PSD3: variants seen among roughly 807,000 people sequenced by gnomAD.
PSD3 encodes PH and SEC7 domain-containing protein 3.
In PSD3, 49 loss-of-function variants were observed where a neutral mutation model predicts 105.5. That is an observed-to-expected ratio of 0.46 (90% confidence interval 0.37 to 0.59). PSD3 has a LOEUF of 0.59. PSD3 is among the 20% of genes least tolerant of loss of function. The pLI is 0.00. For missense variants in PSD3, 1,561 were observed against 1,263.8 expected, an observed-to-expected ratio of 1.24 and a Z score of -3.57; for synonymous variants, 557 against 457.8, an observed-to-expected ratio of 1.22 and a Z score of -2.77.
At chr8:19,060,637 C>T (rs544398611) in intron 1 of PSD3, among the ~76,000 whole-genome samples, 1 of 152,064 alleles carries the variant, frequency 6.6e-6, no homozygotes, top group South Asian at 2.1e-4. Flanking sequence ...CCATCTCAAA[C>T]AACAACAACA....
At chr8:18,580,283 G>C (rs1433141501) in intron 12 of PSD3, among the ~76,000 whole-genome samples, 1 of 152,058 alleles carries the variant, frequency 6.6e-6, no homozygotes, top group Non-Finnish European at 1.5e-5. Flanking sequence ...CCACAGTCTT[G>C]GGCACATCAG....
At chr8:18,830,135 T>C (rs1330544623) in intron 4 of PSD3, among the ~76,000 whole-genome samples, 1 of 152,036 alleles carries the variant, frequency 6.6e-6, no homozygotes, top group Non-Finnish European at 1.5e-5. Context: ...TCCTACAAGG[T>C]TTTACCATGT....
chr8:18,544,359 A>G (rs1800334864), intron 15 of PSD3, among the ~76,000 whole-genome samples: 2 of 152,174 alleles, frequency 1.3e-5, no homozygotes, highest in South Asian at 4.1e-4. Context: ...AAGCATCTGC[A>G]TTCAAAACAG....
intron 10 of PSD3, among the ~76,000 whole-genome samples, chr8:18,655,185 T>C (rs2130851320): frequency 6.6e-6 from 1 of 150,786 alleles, no homozygotes; most frequent in Non-Finnish European, 1.5e-5. Flanking sequence ...AAAAATTAGC[T>C]GGGAGTGGTG....
At chr8:19,084,146 G>T (rs10102338) in intron 1 of PSD3, 10,724 of 389,240 alleles carry the variant, frequency 0.028, 969 homozygotes, top group African/African-American at 0.2. Context: ...AGGCCAGGGT[G>T]GCACGTCTGT....
chr8:18,632,854 T>G (rs931095055), intron 10 of PSD3, 48 bp from the exon 11 acceptor site: 2 of 1,387,480 alleles, frequency 1.4e-6, no homozygotes, highest in Admixed American at 5.2e-5. Flanking sequence ...TATCATAATA[T>G]TCAAAGAAAA....
At chr8:18,763,062 C>T (rs889119325) in intron 9 of PSD3, 5 of 506,482 alleles carry the variant, frequency 9.9e-6, no homozygotes, top group African/African-American at 5.9e-5. Context: ...TAAATGTTTC[C>T]AGCTACAAAA....
At chr8:19,052,372 T>C (rs1228339223) in intron 1 of PSD3, among the ~76,000 whole-genome samples, 1 of 150,634 alleles carries the variant, frequency 6.6e-6, no homozygotes, top group African/African-American at 2.4e-5. Context: ...CTCAGGAGGC[T>C]GAGGCAGGAG....
At chr8:19,022,480 T>C (rs893402823) in intron 1 of PSD3, among the ~76,000 whole-genome samples, 5 of 152,200 alleles carry the variant, frequency 3.3e-5, no homozygotes, top group Non-Finnish European at 7.4e-5. Context: ...ACATGCCCCT[T>C]GCCTCAGCAA....
At chr8:18,542,540 A>G (rs1191140279) in intron 15 of PSD3, among the ~76,000 whole-genome samples, 1 of 152,190 alleles carries the variant, frequency 6.6e-6, no homozygotes, top group Non-Finnish European at 1.5e-5. Context: ...AACAGCAACA[A>G]TATGTTTTAA....
chr8:18,833,030 G>C (rs1202703644), intron 4 of PSD3, among the ~76,000 whole-genome samples: 2 of 152,186 alleles, frequency 1.3e-5, no homozygotes, highest in African/African-American at 4.8e-5. Flanking sequence ...GCAGCCATGA[G>C]AGATGATTTT....
intron 9 of PSD3, among the ~76,000 whole-genome samples, chr8:18,741,761 T>C (rs1804590082): frequency 8.4e-6 from 1 of 119,442 alleles, no homozygotes; most frequent in Non-Finnish European, 1.6e-5. Flanking sequence ...GATACAACAA[T>C]ATGGGCTTCA....
At chr8:18,712,179 C>T (rs1802295288) in intron 9 of PSD3, among the ~76,000 whole-genome samples, 1 of 151,924 alleles carries the variant, frequency 6.6e-6, no homozygotes, top group African/African-American at 2.4e-5. Context: ...GCTACAAAGA[C>T]CTCACATCAA....
intron 1 of PSD3, among the ~76,000 whole-genome samples, chr8:19,036,344 C>G (rs1827943550): frequency 6.6e-6 from 1 of 152,122 alleles, no homozygotes; most frequent in South Asian, 2.1e-4. Flanking sequence ...AGTCCCCTCC[C>G]TTCTCCTCCA....
chr8:18,909,247 C>G (rs1179924425), intron 2 of PSD3, among the ~76,000 whole-genome samples: 1 of 152,146 alleles, frequency 6.6e-6, no homozygotes, highest in Non-Finnish European at 1.5e-5. Flanking sequence ...TGCAAAGCTC[C>G]TGATGTACAG....
intron 4 of PSD3, among the ~76,000 whole-genome samples, chr8:18,831,827 AG>A (rs1813703587): frequency 6.6e-6 from 1 of 152,212 alleles, no homozygotes; most frequent in Non-Finnish European, 1.5e-5. Flanking sequence ...TAGCCAAAAA[AG>A]GATTTGGTCT....
intron 1 of PSD3, among the ~76,000 whole-genome samples, chr8:19,023,501 T>C (rs954410631): frequency 1.3e-5 from 2 of 152,022 alleles, no homozygotes; most frequent in African/African-American, 2.4e-5. Flanking sequence ...CAGTCATAGA[T>C]CACTGCAGCC....
intron 13 of PSD3, 22 bp from the exon 14 acceptor site, chr8:18,572,694 A>G: frequency 6.2e-7 from 1 of 1,610,112 alleles, no homozygotes; most frequent in Non-Finnish European, 8.5e-7. Context: ...AGATATGTTT[A>G]TATCAGGATA....
Position 18,577,414 on chromosome 8 carries a change from G to A in PSD3, c.2482-2129C>T, listed in dbSNP as rs116186538. 5.8e-3 allele frequency among the ~76,000 whole-genome samples: 886 copies of A among 151,876 alleles called. 10 individuals are homozygous for A. Among genetic ancestry groups the A allele is most frequent in the African/African-American group, 0.02 (821 of 41,456 alleles). ...TCTTTATATTCAAGTTTATTGACTC[G>A]GTTCCTCTGCCCTTACATCATTTTT... On this transcript the variant is annotated intron_variant, in intron 12 of 15. Coordinates refer to ENST00000327040, the MANE Select transcript of PSD3 (RefSeq NM_015310.4).
Sources: gnomAD v4.1 joint callset for allele counts (sites outside exome capture counted in the v4.1 genomes callset) on GRCh38, gnomAD v4.1.1 for gene constraint, MANE v1.5 for transcripts, NCBI Gene and HGNC (gene_info 2026-07-23, HGNC 2026-07-21) for gene names.